Variants in PCDHGA4 observed in about 807,000 individuals in gnomAD.
PCDHGA4 encodes protocadherin gamma-A4.
A neutral mutation model predicts 54.6 loss-of-function variants in PCDHGA4; 38 were observed. The observed-to-expected ratio is 0.70, with a 90% CI of 0.54 to 0.91. The LOEUF is 0.91. Ranked by LOEUF, PCDHGA4 falls within the 40% of genes least tolerant of loss-of-function variation. The pLI is 0.00. For missense variants in PCDHGA4, 1,298 were observed against 1,220.9 expected, an observed-to-expected ratio of 1.06 and a Z score of -0.94; for synonymous variants, 511 against 512.9, an observed-to-expected ratio of 1.00 and a Z score of 0.05.
At position 141,431,260 on chromosome 5, in the gene PCDHGA4, G is replaced by A. The variant is rs762250032; in HGVS notation, c.2515-63547G>A. The A allele has an allele frequency of 6.2e-7, 1 of 1,614,170 alleles. No individual in the cohort carries two copies. The highest frequency in any genetic ancestry group is 2.2e-5 in the East Asian group (1 of 44,892). On this transcript the variant is annotated intron_variant, in intron 1 of 3. Coordinates refer to ENST00000571252, the MANE Select transcript of PCDHGA4 (RefSeq NM_018917.4). The surrounding 1 kb of genome is among the most constrained non-coding windows in gnomAD (Gnocchi z 4.8). The stretch of plus-strand genomic sequence containing the variant: ...ATCCGGATATCGGGAAGAACTCTCT[G>A]CAGAGCTACGAGCTCAGCCCGAACA...
Position 141,485,098 on chromosome 5 carries a change from A to G in PCDHGA4, c.2515-9709A>G, listed in dbSNP as rs2099606903. ...CGGGGAAAGGGAGATAGGTGTCTCCAGCTGCTGTGGCTGTTTGGGGCGGGT... is the reference window on the plus strand; with the variant it reads ...CGGGGAAAGGGAGATAGGTGTCTCCGGCTGCTGTGGCTGTTTGGGGCGGGT... On this transcript the variant is annotated intron_variant, in intron 1 of 3. Transcript: ENST00000571252. This position sits in a 1 kb window ranked among gnomAD's most constrained non-coding sequence, Gnocchi z 5.7. 8.8e-7 allele frequency: 1 copy of G among 1,134,792 alleles called. No individual in the cohort carries two copies. Among genetic ancestry groups the G allele is most frequent in the South Asian group, 1.4e-5 (1 of 71,796 alleles). The allele number at this position is 1,134,792 out of a possible 1,614,324, so 70.3% of individuals were successfully genotyped here. A position where few individuals can be genotyped will look rare whatever the true frequency, so the allele number is the denominator to read the frequency against.
At chr5:141,404,906 C>T (rs776779922) in intron 1 of PCDHGA4, 7 of 1,613,864 alleles carry the variant, frequency 4.3e-6, no homozygotes, top group Non-Finnish European at 5.1e-6. Context: ...CCATGGCCAG[C>T]CCCCTCTCTC....
chr5:141,357,132 G>C lies in PCDHGA4; in HGVS notation c.2025G>C (p.Val675=), dbSNP rs1369808514. 6.2e-7 allele frequency: 1 copy of C among 1,613,550 alleles called. No individual in the cohort carries two copies. Among genetic ancestry groups the C allele is most frequent in the South Asian group, 1.1e-5 (1 of 91,076 alleles). ...ACGCGCTCAAGCAGAGGCTTGTAGTGGTCGTCCAGGACCATGGCCAGCCCC... is the reference window on the plus strand; with the variant it reads ...ACGCGCTCAAGCAGAGGCTTGTAGTCGTCGTCCAGGACCATGGCCAGCCCC... ...DRDALKQRLV[V]VVQDHGQPPL... The change falls in exon 1 of 4, where the codon GTG becomes GTC. Residue 675 remains valine, a synonymous_variant. Transcript: ENST00000571252.
rs764658508 is a variant in PCDHGA4 at position 141,431,546 on chromosome 5, G to A, written c.2515-63261G>A. 1.2e-6 allele frequency: 2 copies of A among 1,614,000 alleles called. No homozygotes were observed. Among genetic ancestry groups the A allele is most frequent in the Admixed American group, 3.3e-5 (2 of 60,012 alleles). On this transcript the variant is annotated intron_variant, in intron 1 of 3. Coordinates refer to ENST00000571252, the MANE Select transcript of PCDHGA4 (RefSeq NM_018917.4). This position sits in a 1 kb window ranked among gnomAD's most constrained non-coding sequence, Gnocchi z 4.8. The stretch of plus-strand genomic sequence containing the variant: ...TCTGGCCTTGGGCACGCAGCTGCTT[G>A]TAGTCAACGCTACCGACCCTGACGA...
At position 141,490,954 on chromosome 5, in the gene PCDHGA4, G is replaced by A. The variant is rs749646808; in HGVS notation, c.2515-3853G>A. On this transcript the variant is annotated intron_variant, in intron 1 of 3. Coordinates refer to ENST00000571252, the MANE Select transcript of PCDHGA4 (RefSeq NM_018917.4). This position sits in a 1 kb window ranked among gnomAD's most constrained non-coding sequence, Gnocchi z 5.4. ...TGTGCTGCACCCACGGCCAGACTGGGAACACTCAGCCCCCCAGCGTCTCCC... is the reference window on the plus strand; with the variant it reads ...TGTGCTGCACCCACGGCCAGACTGGAAACACTCAGCCCCCCAGCGTCTCCC... 9 of 1,613,662 alleles carry A rather than the reference G, an allele frequency of 5.6e-6. No individual in the cohort carries two copies. The African/African-American group carries it at 8.0e-5, about 14-fold the overall frequency.
At position 141,408,036 on chromosome 5, in the gene PCDHGA4, A is replaced by G. The variant is rs941133513; in HGVS notation, c.2514+50415A>G. On this transcript the variant is annotated intron_variant, in intron 1 of 3. Coordinates refer to ENST00000571252, the MANE Select transcript of PCDHGA4 (RefSeq NM_018917.4). ...AGCCAACAACAGAAAGAAGAAAACC[A>G]GCTCCCACACAGAGCCTCCCGGCTG... 7.9e-6 allele frequency: 9 copies of G among 1,132,718 alleles called. No individual in the cohort carries two copies. In the African/African-American group the frequency reaches 1.4e-4, roughly 18 times the overall value. The allele number at this position is 1,132,718 out of a possible 1,614,324, so 70.2% of individuals were successfully genotyped here. A position where few individuals can be genotyped will look rare whatever the true frequency, so the allele number is the denominator to read the frequency against.
At position 141,512,644 on chromosome 5, in the gene PCDHGA4, G is replaced by T. The variant is rs1283774989; in HGVS notation, c.*1471G>T. Reference sequence around the variant, plus strand: ...ACCCCAGACCTGCCCTTACAGTAGTGTAGCGCCCCCTCCCTCTTTCGGCTG... The same window carrying T: ...ACCCCAGACCTGCCCTTACAGTAGTTTAGCGCCCCCTCCCTCTTTCGGCTG... On this transcript the variant is annotated 3_prime_UTR_variant, in exon 4 of 4. Coordinates refer to ENST00000571252, the MANE Select transcript of PCDHGA4 (RefSeq NM_018917.4). 1 of 152,528 alleles carries T rather than the reference G, an allele frequency of 6.6e-6. No individual in the cohort carries two copies. The allele number at this position is 152,528 out of a possible 1,614,324, so 9.4% of individuals were successfully genotyped here.
At chr5:141,393,683 G>C (rs370409157) in intron 1 of PCDHGA4, 2 of 1,613,850 alleles carry the variant, frequency 1.2e-6, no homozygotes, top group East Asian at 4.5e-5. Flanking sequence ...AACAAACTCC[G>C]TTATTCCAGC....
At chr5:141,371,163 G>T (rs79773129) in intron 1 of PCDHGA4, 6 of 1,613,984 alleles carry the variant, frequency 3.7e-6, no homozygotes, top group Non-Finnish European at 5.1e-6. Flanking sequence ...GAACCTGCCC[G>T]CTGGCTCCTC....
intron 1 of PCDHGA4, chr5:141,421,236 TCGGCTACAG>T (rs761399164): frequency 3.8e-5 from 60 of 1,594,916 alleles, no homozygotes; most frequent in Non-Finnish European, 5.1e-5. Flanking sequence ...CCATGGCGAA[TCGGCTACAG>T]CGCGGGGACC....
chr5:141,428,563 G>A, intron 1 of PCDHGA4: 2 of 237,566 alleles, frequency 8.4e-6, no homozygotes, highest in East Asian at 1.1e-4. Flanking sequence ...CCCCCCACAA[G>A]ATCTTTCTAA....
intron 2 of PCDHGA4, among the ~76,000 whole-genome samples, chr5:141,495,407 C>T: frequency 6.6e-6 from 1 of 152,218 alleles, no homozygotes; most frequent in East Asian, 1.9e-4. Flanking sequence ...AGGCCCCCTT[C>T]TCCGGCCCCT....
chr5:141,396,725 T>A (rs1432052825), intron 1 of PCDHGA4: 2 of 152,198 alleles, frequency 1.3e-5, no homozygotes, highest in East Asian at 3.8e-4. Flanking sequence ...AATACCTGAA[T>A]TGATTGTTGT....
chr5:141,380,586 A>G (rs1776590608), intron 1 of PCDHGA4, among the ~76,000 whole-genome samples: 1 of 152,226 alleles, frequency 6.6e-6, no homozygotes, highest in Non-Finnish European at 1.5e-5. Context: ...GCGGTCTAGT[A>G]AAGATCTTTA....
At chr5:141,360,732 T>G in intron 1 of PCDHGA4, 1 of 1,613,960 alleles carries the variant, frequency 6.2e-7, no homozygotes, top group Non-Finnish European at 8.5e-7. Flanking sequence ...TAAAACACTC[T>G]CTGGACAGAG....
chr5:141,364,385 C>T, intron 1 of PCDHGA4: 1 of 1,591,060 alleles, frequency 6.3e-7, no homozygotes, highest in Non-Finnish European at 8.6e-7. Context: ...GCCCTTCATG[C>T]TCCTGGGGAC....
intron 1 of PCDHGA4, chr5:141,370,661 T>C (rs2149968382): frequency 6.2e-7 from 1 of 1,613,892 alleles, no homozygotes; most frequent in African/African-American, 1.3e-5. Flanking sequence ...TGAGCGACCG[T>C]ATAGACCGAG....
Position 141,485,465 on chromosome 5 carries a change from C to A in PCDHGA4, c.2515-9342C>A, listed in dbSNP as rs2099614061. 6.2e-7 allele frequency: 1 copy of A among 1,614,044 alleles called. No homozygotes were observed. Among genetic ancestry groups the A allele is most frequent in the African/African-American group, 1.3e-5 (1 of 74,918 alleles). ...AATCGACCGAGAGGCACTGTGTGGG[C>A]TCAGTGCCAGCTGCATCGTGCCCCT... On this transcript the variant is annotated intron_variant, in intron 1 of 3. Transcript: ENST00000571252. This position sits in a 1 kb window ranked among gnomAD's most constrained non-coding sequence, Gnocchi z 5.7.
At chr5:141,380,103 A>T (rs1371621007) in intron 1 of PCDHGA4, among the ~76,000 whole-genome samples, 3 of 151,578 alleles carry the variant, frequency 2.0e-5, no homozygotes, top group Admixed American at 6.6e-5. Flanking sequence ...TTTTACCATG[A>T]TGGCCAGGCT....
Sources: allele counts gnomAD v4.1 joint callset (sites outside exome capture counted in the v4.1 genomes callset), GRCh38; gene constraint gnomAD v4.1.1; non-coding constraint Gnocchi (gnomAD v3.1); transcripts MANE v1.5; gene names NCBI Gene and HGNC (gene_info 2026-07-23, HGNC 2026-07-21).